ECHDC1: variants seen among roughly 807,000 people sequenced by gnomAD.
ECHDC1 encodes ethylmalonyl-CoA decarboxylase.
A neutral mutation model predicts 29.7 loss-of-function variants in ECHDC1; 29 were observed. The observed-to-expected ratio is 0.98, with a 90% CI of 0.73 to 1.33. ECHDC1 has a LOEUF of 1.33. ECHDC1 is among the 40% of genes most tolerant of loss of function. The probability of loss-of-function intolerance (pLI) is 0.00; values close to 1 mark genes in which losing one functional copy is unlikely to be tolerated. For synonymous variants in ECHDC1, 126 were observed against 123.1 expected, an observed-to-expected ratio of 1.02 and a Z score of -0.15; for missense variants, 328 against 350.0, an observed-to-expected ratio of 0.94 and a Z score of 0.50.
chr6:127,314,186 C>A (rs924577943), intron 5 of ECHDC1, among the ~76,000 whole-genome samples: 2 of 152,088 alleles, frequency 1.3e-5, no homozygotes, highest in South Asian at 2.1e-4. Flanking sequence ...TGTTAGTAGG[C>A]CTTGGGAATG....
chr6:127,301,192 C>G (rs1466653136), intron 5 of ECHDC1, among the ~76,000 whole-genome samples: 1 of 152,214 alleles, frequency 6.6e-6, no homozygotes, highest in Non-Finnish European at 1.5e-5. Context: ...GAGGGTCTAT[C>G]TATGCAAAGT....
At chr6:127,316,779 A>C (rs144273109) in intron 3 of ECHDC1, among the ~76,000 whole-genome samples, 16 of 152,208 alleles carry the variant, frequency 1.1e-4, no homozygotes, top group African/African-American at 3.6e-4. Flanking sequence ...ATGGAGTTCT[A>C]CTCAGGGTAA....
chr6:127,337,828 C>T (rs1027814292), intron 1 of ECHDC1, among the ~76,000 whole-genome samples: 1 of 152,158 alleles, frequency 6.6e-6, no homozygotes, highest in Non-Finnish European at 1.5e-5. Flanking sequence ...CCTTTCACTA[C>T]CCTTAGACCG....
At chr6:127,296,084 C>T (rs910260641) in intron 5 of ECHDC1, among the ~76,000 whole-genome samples, 5 of 152,158 alleles carry the variant, frequency 3.3e-5, no homozygotes, top group Admixed American at 6.5e-5. Context: ...AGAAGAAACA[C>T]GCATGAACTT....
At chr6:127,303,261 A>C (rs1337902287) in intron 5 of ECHDC1, among the ~76,000 whole-genome samples, 2 of 102,116 alleles carry the variant, frequency 2.0e-5, no homozygotes, top group African/African-American at 5.6e-5. Flanking sequence ...TTATTATAGA[A>C]TATTTAGCTT....
rs909133744 is a variant in ECHDC1 at position 127,343,263 on chromosome 6, C to A, written c.-3+73G>T. The stretch of plus-strand genomic sequence containing the variant: ...GAAGCGAGCGGTACAGTCCATTCCA[C>A]GGCGACATTTTAGGATTCTCCCACT... On this transcript the variant is annotated intron_variant, in intron 1 of 5. Coordinates refer to ENST00000454859, the MANE Select transcript of ECHDC1 (RefSeq NM_001002030.2). 5 of 152,240 alleles carry A rather than the reference C, an allele frequency of 3.3e-5. No individual in the cohort carries two copies. In the East Asian group the frequency reaches 9.7e-4, roughly 30 times the overall value. 9.4% of individuals were successfully genotyped at this position (152,240 alleles called of 1,614,324 possible).
intron 5 of ECHDC1, among the ~76,000 whole-genome samples, chr6:127,300,878 T>C (rs1034390768): frequency 1.3e-5 from 2 of 152,222 alleles, no homozygotes; most frequent in Admixed American, 6.5e-5. Flanking sequence ...GCCACAGAAT[T>C]TGTGGTAGTT....
intron 5 of ECHDC1, among the ~76,000 whole-genome samples, chr6:127,292,804 T>C (rs916901000): frequency 6.6e-6 from 1 of 152,056 alleles, no homozygotes; most frequent in Non-Finnish European, 1.5e-5. Context: ...AATATAATTA[T>C]TGCAAGGGAT....
At chr6:127,305,223 A>G (rs2114587635) in intron 5 of ECHDC1, among the ~76,000 whole-genome samples, 1 of 152,360 alleles carries the variant, frequency 6.6e-6, no homozygotes, top group South Asian at 2.1e-4. Context: ...TATGTCTGGG[A>G]GAAGACTTTT....
chr6:127,311,765 A>T, intron 5 of ECHDC1, among the ~76,000 whole-genome samples: 1 of 146,938 alleles, frequency 6.8e-6, no homozygotes. Context: ...GAAAAAAAAC[A>T]GATCTTGACT....
chr6:127,306,044 G>A (rs1049735243), intron 5 of ECHDC1, among the ~76,000 whole-genome samples: 2 of 149,012 alleles, frequency 1.3e-5, no homozygotes, highest in Non-Finnish European at 3.0e-5. Context: ...CAAATGATCT[G>A]TTGTGTACCA....
At chr6:127,332,676 G>C (rs933587764) in intron 1 of ECHDC1, among the ~76,000 whole-genome samples, 1 of 152,108 alleles carries the variant, frequency 6.6e-6, no homozygotes, top group African/African-American at 2.4e-5. Flanking sequence ...GCCTTCTACT[G>C]AATACACAAT....
At chr6:127,303,742 T>C (rs1015198583) in intron 5 of ECHDC1, among the ~76,000 whole-genome samples, 1 of 152,194 alleles carries the variant, frequency 6.6e-6, no homozygotes, top group African/African-American at 2.4e-5. Flanking sequence ...TTTACTGTAA[T>C]ATTAATGATC....
chr6:127,303,642 G>T (rs1416909979), intron 5 of ECHDC1, among the ~76,000 whole-genome samples: 4 of 152,208 alleles, frequency 2.6e-5, no homozygotes. Context: ...GCAAACTGAA[G>T]CAGTAAGGGG....
chr6:127,335,603 T>C (rs1784360696), intron 1 of ECHDC1, among the ~76,000 whole-genome samples: 1 of 152,078 alleles, frequency 6.6e-6, no homozygotes, highest in Admixed American at 6.5e-5. Flanking sequence ...TGTTATCGTC[T>C]TTCTTTGTAT....
intron 3 of ECHDC1, chr6:127,326,672 T>C: frequency 2.7e-6 from 1 of 376,048 alleles, no homozygotes; most frequent in Non-Finnish European, 5.3e-6. Flanking sequence ...TTGAGGGGGC[T>C]GGAGTAACAT....
chr6:127,331,107 G>T, intron 1 of ECHDC1, 77 bp from the exon 2 acceptor site: 6 of 1,058,558 alleles, frequency 5.7e-6, no homozygotes, highest in South Asian at 1.4e-5. Flanking sequence ...TTAATAGGCT[G>T]TAGTAATGGA....
At chr6:127,322,483 T>G (rs1782911909) in intron 3 of ECHDC1, among the ~76,000 whole-genome samples, 1 of 152,138 alleles carries the variant, frequency 6.6e-6, no homozygotes, top group Non-Finnish European at 1.5e-5. Context: ...CAAGATTTAC[T>G]TCAGGCACTG....
At chr6:127,331,724 GAATA>G (rs1158763309) in intron 1 of ECHDC1, 1 of 704,626 alleles carries the variant, frequency 1.4e-6, no homozygotes. Context: ...TAAAATCTAA[GAATA>G]AATATAGTCC....
Sources: gnomAD v4.1 joint callset for allele counts (sites outside exome capture counted in the v4.1 genomes callset) on GRCh38, gnomAD v4.1.1 for gene constraint, MANE v1.5 for transcripts, NCBI Gene and HGNC (gene_info 2026-07-23, HGNC 2026-07-21) for gene names.